The following ANXA3 variants were observed in gnomAD, a reference collection of about 807,000 sequenced individuals.
ANXA3 encodes annexin A3.
Under a neutral mutation model 48.8 loss-of-function variants are expected in ANXA3, and 46 were observed. The observed-to-expected ratio is 0.94, with a 90% confidence interval of 0.74 to 1.21. The LOEUF is 1.21. ANXA3 is among the 50% of genes most tolerant of loss of function. ANXA3 has a pLI of 0.00. For synonymous variants in ANXA3, 128 were observed against 134.7 expected, an observed-to-expected ratio of 0.95 and a Z score of 0.35; for missense variants, 383 against 378.6, an observed-to-expected ratio of 1.01 and a Z score of -0.10.
intron 12 of ANXA3, among the ~76,000 whole-genome samples, chr4:78,606,009 A>G: frequency 6.6e-6 from 1 of 152,252 alleles, no homozygotes. Context: ...AATGAGTGAT[A>G]GAGAGTGTTA....
chr4:78,570,971 A>G (rs958104662), intron 2 of ANXA3: 2 of 152,188 alleles, frequency 1.3e-5, no homozygotes, highest in Non-Finnish European at 2.9e-5. Flanking sequence ...AGAATTCATC[A>G]AAAATTATAT....
chr4:78,564,314 C>T (rs1016394615), intron 2 of ANXA3, among the ~76,000 whole-genome samples: 7 of 152,122 alleles, frequency 4.6e-5, no homozygotes, highest in Non-Finnish European at 8.8e-5. Context: ...AAGTATCTCC[C>T]AAATCTCCCA....
At chr4:78,608,301 C>CA (rs1305205192) in intron 12 of ANXA3, among the ~76,000 whole-genome samples, 1 of 151,824 alleles carries the variant, frequency 6.6e-6, no homozygotes, top group Admixed American at 6.6e-5. Flanking sequence ...ATTAATAAGG[C>CA]AAAATGTATG....
intron 12 of ANXA3, among the ~76,000 whole-genome samples, chr4:78,606,729 A>G (rs1578406432): frequency 6.6e-6 from 1 of 152,344 alleles, no homozygotes; most frequent in East Asian, 1.9e-4. Flanking sequence ...TTCATTCACT[A>G]AAATCTCTCT....
chr4:78,594,381 A>C (rs1723370050), intron 7 of ANXA3, among the ~76,000 whole-genome samples: 1 of 152,166 alleles, frequency 6.6e-6, no homozygotes, highest in African/African-American at 2.4e-5. Flanking sequence ...CATGTTTTCA[A>C]CTCCTTTAGT....
intron 10 of ANXA3, among the ~76,000 whole-genome samples, chr4:78,598,843 A>G (rs1723480817): frequency 6.6e-6 from 1 of 151,914 alleles, no homozygotes; most frequent in Admixed American, 6.6e-5. Flanking sequence ...CCTGGCCTAT[A>G]TTGTTAATCT....
intron 10 of ANXA3, 69 bp from the exon 11 acceptor site, chr4:78,601,441 A>C: frequency 7.0e-7 from 1 of 1,429,066 alleles, no homozygotes; most frequent in Non-Finnish European, 9.9e-7. Flanking sequence ...TTTAAAAAAC[A>C]TATTACTTAC....
chr4:78,568,596 A>C (rs1417678901), intron 2 of ANXA3, among the ~76,000 whole-genome samples: 2 of 152,212 alleles, frequency 1.3e-5, no homozygotes, highest in African/African-American at 4.8e-5. Flanking sequence ...TCATATCAAC[A>C]GGGTTGGCAC....
At chr4:78,607,295 G>C (rs1723667115) in intron 12 of ANXA3, among the ~76,000 whole-genome samples, 1 of 152,098 alleles carries the variant, frequency 6.6e-6, no homozygotes, top group South Asian at 2.1e-4. Context: ...TGAAGAACAG[G>C]ATCTTTTTAG....
chr4:78,573,326 C>T (rs1722881489), intron 3 of ANXA3, 59 bp downstream of exon 3: 2 of 1,316,224 alleles, frequency 1.5e-6, no homozygotes, highest in Admixed American at 3.4e-5. Context: ...AAGTTACAAT[C>T]TAAAAGTTCA....
intron 12 of ANXA3, among the ~76,000 whole-genome samples, chr4:78,607,863 C>A (rs150823874): frequency 6.6e-6 from 1 of 152,200 alleles, no homozygotes; most frequent in African/African-American, 2.4e-5. Context: ...TCTGCTGGAG[C>A]ATTTACCTTT....
intron 7 of ANXA3, among the ~76,000 whole-genome samples, chr4:78,593,682 G>C (rs1271691624): frequency 6.7e-6 from 1 of 149,944 alleles, no homozygotes; most frequent in Non-Finnish European, 1.5e-5. Flanking sequence ...TGTTGCCCAG[G>C]CTTGAGAACT....
intron 12 of ANXA3, among the ~76,000 whole-genome samples, chr4:78,608,652 C>T (rs1723699019): frequency 1.3e-5 from 2 of 152,144 alleles, no homozygotes; most frequent in African/African-American, 4.8e-5. Context: ...GCAAGGATGA[C>T]ACTCAAGTTC....
At chr4:78,560,972 C>A (rs1225146498) in intron 2 of ANXA3, among the ~76,000 whole-genome samples, 1 of 151,964 alleles carries the variant, frequency 6.6e-6, no homozygotes, top group Non-Finnish European at 1.5e-5. Context: ...ATATTAATAC[C>A]AATGGCCCTG....
chr4:78,563,239 A>T (rs1331056776), intron 2 of ANXA3, among the ~76,000 whole-genome samples: 1 of 152,180 alleles, frequency 6.6e-6, no homozygotes, highest in Non-Finnish European at 1.5e-5. Context: ...TTTATGTAAG[A>T]AGTATTCTGC....
intron 2 of ANXA3, among the ~76,000 whole-genome samples, chr4:78,566,275 C>T (rs934797866): frequency 1.1e-4 from 16 of 152,098 alleles, no homozygotes; most frequent in Non-Finnish European, 1.3e-4. Flanking sequence ...CTACTCCATC[C>T]CACACCCTCC....
intron 11 of ANXA3, 92 bp from the exon 12 acceptor site, chr4:78,604,185 G>A (rs1723600692): frequency 1.7e-6 from 2 of 1,146,698 alleles, no homozygotes; most frequent in Non-Finnish European, 2.4e-6. Context: ...TGAATATTTT[G>A]CACACCATTA....
intron 7 of ANXA3, 46 bp downstream of exon 7, chr4:78,591,669 C>A: frequency 1.5e-6 from 2 of 1,346,880 alleles, no homozygotes; most frequent in East Asian, 4.6e-5. Context: ...AAGCTGCATG[C>A]TCAATAACAA....
chr4:78,580,233 G>T (rs1044589391), intron 4 of ANXA3, among the ~76,000 whole-genome samples: 1 of 152,156 alleles, frequency 6.6e-6, no homozygotes, highest in Admixed American at 6.5e-5. Context: ...GTCAGTGAGG[G>T]GTTGTTACCT....
Sources: gnomAD v4.1 joint callset for allele counts (sites outside exome capture counted in the v4.1 genomes callset) on GRCh38, gnomAD v4.1.1 for gene constraint, MANE v1.5 for transcripts, NCBI Gene and HGNC (gene_info 2026-07-23, HGNC 2026-07-21) for gene names.